Variants in VRK2 observed in about 807,000 individuals in gnomAD.
VRK2 encodes the protein VRK serine/threonine kinase 2, also known as serine/threonine-protein kinase VRK2.
In VRK2, 60 loss-of-function variants were observed where a neutral mutation model predicts 57.6. The ratio of observed to expected loss-of-function variants is 1.04; its 90% CI spans 0.85 to 1.29. The LOEUF is 1.29. Among genes scored for constraint, VRK2 ranks in the 50% most tolerant of loss-of-function variants. The pLI, the probability that VRK2 is intolerant of heterozygous loss-of-function variation, is 0.00. For synonymous variants in VRK2, 231 were observed against 199.2 expected, an observed-to-expected ratio of 1.16 and a Z score of -1.35; for missense variants, 705 against 588.1, an observed-to-expected ratio of 1.20 and a Z score of -2.06.
intron 1 of VRK2, among the ~76,000 whole-genome samples, chr2:57,908,350 T>G (rs17049244): frequency 0.13 from 20,170 of 152,172 alleles, 1,652 homozygotes; most frequent in African/African-American, 0.23. Context: ...GACAAAATTC[T>G]GAAATTGGCA....
At chr2:58,134,665 C>G (rs1679742011) in intron 9 of VRK2, among the ~76,000 whole-genome samples, 1 of 151,968 alleles carries the variant, frequency 6.6e-6, no homozygotes, top group East Asian at 1.9e-4. Flanking sequence ...GCTGGATCCC[C>G]CCGCCCCAGT....
chr2:58,122,209 TTA>T (rs1677616436), intron 7 of VRK2, among the ~76,000 whole-genome samples: 2 of 152,194 alleles, frequency 1.3e-5, no homozygotes, highest in South Asian at 4.1e-4. Flanking sequence ...TTCACTATCA[TTA>T]TGTTTCCTGT....
rs771355411 is a variant in VRK2 at position 58,048,952 on chromosome 2, G to C, written c.121G>C (p.Gly41Arg). 5 of 1,613,124 alleles carry C rather than the reference G, an allele frequency of 3.1e-6. No homozygotes were observed. The highest frequency in any genetic ancestry group is 4.2e-6 in the Non-Finnish European group (5 of 1,179,544). Residue 41 changes from glycine (G) to arginine (R), a missense_variant, in exon 2 of 13, where the codon GGA (glycine) becomes CGA (arginine). Coordinates refer to ENST00000340157, the MANE Select transcript of VRK2 (RefSeq NM_006296.7). ...CAAGAAGATTGGCTCTGGAGGATTTGGATTGATATATTTAGGTAAAGTAAA... is the reference window on the plus strand; with the variant it reads ...CAAGAAGATTGGCTCTGGAGGATTTCGATTGATATATTTAGGTAAAGTAAA... The part of the protein sequence containing the change: ...LGKKIGSGGF[G>R]LIYLAFPTNK...
chr2:58,102,322 A>C (rs1408469425), intron 7 of VRK2, among the ~76,000 whole-genome samples: 4 of 151,460 alleles, frequency 2.6e-5, no homozygotes, highest in Non-Finnish European at 5.9e-5. Context: ...ATTTTTTTTA[A>C]AAAATGAACC....
chr2:58,069,567 A>C (rs752443140), intron 2 of VRK2, among the ~76,000 whole-genome samples: 66 of 152,144 alleles, frequency 4.3e-4, no homozygotes, highest in Non-Finnish European at 4.9e-4. Flanking sequence ...TGTAGAGTAT[A>C]AAAAGTTATT....
At chr2:58,068,867 T>A (rs1668998127) in intron 2 of VRK2, among the ~76,000 whole-genome samples, 1 of 150,640 alleles carries the variant, frequency 6.6e-6, no homozygotes. Context: ...TTCAAAAACA[T>A]CATTTGATTC....
In VRK2 at chr2:58,078,149, A is replaced by G. The variant is rs377379928; in HGVS notation, c.137-5940A>G. On this transcript the variant is annotated intron_variant, in intron 2 of 12. Transcript: ENST00000340157. ...TATATTCATTAAACAGTAATTCTCC[A>G]TTTTCCTCTTTTCCCAGCACCTGGA... Among the ~76,000 whole-genome samples the G allele has an allele frequency of 4.6e-5, 7 of 152,132 alleles. No individual in the cohort carries two copies. In the East Asian group the frequency reaches 9.7e-4, roughly 21 times the overall value.
At chr2:58,130,964 TA>T (rs1679108089) in intron 8 of VRK2, among the ~76,000 whole-genome samples, 1 of 151,060 alleles carries the variant, frequency 6.6e-6, no homozygotes, top group Admixed American at 6.6e-5. Flanking sequence ...ATAAGGTACT[TA>T]TAAATATATA....
chr2:58,137,226 T>TATATGATACATATATATC (rs1558687381), intron 10 of VRK2, among the ~76,000 whole-genome samples: 31 of 116,262 alleles, frequency 2.7e-4, no homozygotes, highest in Non-Finnish European at 5.1e-4. Context: ...ATATATATCA[T>TATATGATACATATATATC]ATGATACATA....
chr2:58,132,901 A>C (rs2104547562), intron 9 of VRK2, among the ~76,000 whole-genome samples: 1 of 152,368 alleles, frequency 6.6e-6, no homozygotes, highest in East Asian at 1.9e-4. Context: ...TAAAACATTT[A>C]TATAAATCTA....
chr2:58,064,046 C>T (rs1249219626), intron 2 of VRK2, among the ~76,000 whole-genome samples: 1 of 152,068 alleles, frequency 6.6e-6, no homozygotes, highest in Non-Finnish European at 1.5e-5. Context: ...TGCTCAATCT[C>T]ATGATAACAT....
Position 57,909,235 on chromosome 2 carries a change from T to G in VRK2, c.-439+1396T>G, listed in dbSNP as rs112448125. 3.1e-3 allele frequency among the ~76,000 whole-genome samples: 470 copies of G among 152,296 alleles called. 3 individuals are homozygous for G. Among genetic ancestry groups the G allele is most frequent in the Admixed American group, 0.011 (173 of 15,292 alleles). On this transcript the variant is annotated intron_variant, in intron 1 of 15. Coordinates refer to the VRK2 transcript ENST00000417641. ...TTTGACTTTGTATAAAGTAAAAATA[T>G]CATAAACCTTAAAACTATCACCAGT...
At chr2:57,997,787 C>G (rs149946478) in intron 1 of VRK2, among the ~76,000 whole-genome samples, 118 of 151,950 alleles carry the variant, frequency 7.8e-4, no homozygotes, top group African/African-American at 2.7e-3. Flanking sequence ...CCCAGCTACT[C>G]AGGAGGCTGA....
At chr2:58,006,165 G>A (rs1572769928) in intron 1 of VRK2, among the ~76,000 whole-genome samples, 4 of 152,188 alleles carry the variant, frequency 2.6e-5, no homozygotes, top group Admixed American at 6.5e-5. Flanking sequence ...GGGGACATGT[G>A]TGGAAACTGG....
chr2:57,977,526 T>C (rs1244990782), intron 1 of VRK2, among the ~76,000 whole-genome samples: 2 of 145,010 alleles, frequency 1.4e-5, no homozygotes, highest in Non-Finnish European at 2.9e-5. Flanking sequence ...AGGTTGGACA[T>C]TGTTGGTATA....
chr2:57,974,048 G>A (rs1357570388), intron 1 of VRK2, among the ~76,000 whole-genome samples: 1 of 151,760 alleles, frequency 6.6e-6, no homozygotes, highest in Non-Finnish European at 1.5e-5. Context: ...AGAGTGACAT[G>A]TGCAAAGGCT....
At chr2:58,015,176 T>C (rs575423665) in intron 1 of VRK2, among the ~76,000 whole-genome samples, 472 of 152,338 alleles carry the variant, frequency 3.1e-3, no homozygotes, top group Middle Eastern at 0.01. Context: ...AGTCCTCTTG[T>C]GTGGCTACAT....
intron 1 of VRK2, among the ~76,000 whole-genome samples, chr2:58,017,267 G>T (rs1673614296): frequency 6.6e-6 from 1 of 152,160 alleles, no homozygotes; most frequent in Non-Finnish European, 1.5e-5. Context: ...TCAGCCAGTT[G>T]TCCTATTAGT....
intron 1 of VRK2, among the ~76,000 whole-genome samples, chr2:58,013,955 T>C (rs1196476659): frequency 6.6e-6 from 1 of 152,154 alleles, no homozygotes; most frequent in Admixed American, 6.5e-5. Context: ...CAAAATTTTG[T>C]TAATTTACTC....
Sources: gnomAD v4.1 joint callset for allele counts (sites outside exome capture counted in the v4.1 genomes callset) on GRCh38, gnomAD v4.1.1 for gene constraint, MANE v1.5 for transcripts, NCBI Gene and HGNC (gene_info 2026-07-23, HGNC 2026-07-21) for gene names.